Variants in AIFM1 observed in about 807,000 individuals in gnomAD.
The protein encoded by AIFM1 is apoptosis inducing factor mitochondria associated 1.
A neutral mutation model predicts 51.7 loss-of-function variants in AIFM1; 3 were observed. The observed-to-expected ratio is 0.06, with a 90% CI of 0.03 to 0.15. The LOEUF (loss-of-function observed/expected upper bound fraction) is 0.15. Ranked by LOEUF, AIFM1 falls within the 10% of genes least tolerant of loss-of-function variation. AIFM1 has a pLI of 1.00. For synonymous variants in AIFM1, 178 were observed against 179.4 expected, an observed-to-expected ratio of 0.99 and a Z score of 0.06; for missense variants, 330 against 476.8, an observed-to-expected ratio of 0.69 and a Z score of 2.87.
chrX:130,163,321 A>G (rs1450846219), intron 1 of AIFM1, among the ~76,000 whole-genome samples: 1 of 110,462 alleles, frequency 9.1e-6, no homozygotes, highest in Admixed American at 9.7e-5. Context: ...AAAAAAAAAA[A>G]AAAGTTTAAA....
chrX:130,165,363 G>T (rs750954256), intron 1 of AIFM1, among the ~76,000 whole-genome samples, 188 bp downstream of exon 1: 3 of 112,367 alleles, frequency 2.7e-5, no homozygotes, highest in African/African-American at 6.5e-5. Flanking sequence ...TCTCTTGAAG[G>T]TCAGGTCGGC....
At chrX:130,152,937 G>A (rs1056814980) in intron 2 of AIFM1, among the ~76,000 whole-genome samples, 3 of 111,527 alleles carry the variant, frequency 2.7e-5, no homozygotes, top group African/African-American at 9.8e-5. Flanking sequence ...CCTAGTAAGA[G>A]TAGTTTTTGA....
At chrX:130,136,760 A>G in intron 10 of AIFM1, 29 bp from the exon 11 acceptor site, 1 of 1,176,924 alleles carries the variant, frequency 8.5e-7, no homozygotes, top group Non-Finnish European at 1.2e-6. Context: ...CCTGAGAGTG[A>G]GCCTACAAGG....
chrX:130,163,801 A>G (rs906221547), intron 1 of AIFM1, among the ~76,000 whole-genome samples: 6 of 111,729 alleles, frequency 5.4e-5, no homozygotes, highest in Non-Finnish European at 9.4e-5. Flanking sequence ...AATGCTGGTA[A>G]AAGTTGTGAG....
Position 130,139,783 on chromosome X carries a change from G to A in AIFM1, c.858+12C>T, listed in dbSNP as rs2030509697. 8.3e-7 allele frequency: 1 copy of A among 1,204,963 alleles called. No homozygotes were observed. Among genetic ancestry groups the A allele is most frequent in the African/African-American group, 1.8e-5 (1 of 57,043 alleles). On this transcript the variant is annotated intron_variant, in intron 8 of 15. Transcript: ENST00000287295. ...AAAACAACACAAGGAAAACACTAAA[G>A]CAGACAATTACCTTTCTGAAAAGCG... is the stretch of plus-strand genomic sequence containing the variant.
intron 1 of AIFM1, among the ~76,000 whole-genome samples, chrX:130,157,699 G>A (rs936138530): frequency 9.0e-6 from 1 of 111,252 alleles, no homozygotes; most frequent in African/African-American, 3.3e-5. Flanking sequence ...AGGCGTGGTG[G>A]CTCACGCCTG....
Position 130,136,772 on chromosome X carries a change from T to C in AIFM1, c.1076-41A>G, listed in dbSNP as rs1021583215. The C allele has an allele frequency of 5.2e-6, 6 of 1,161,821 alleles. No homozygotes were observed. The African/African-American group carries it at 8.9e-5, about 17-fold the overall frequency. On this transcript the variant is annotated intron_variant, in intron 10 of 15. Transcript: ENST00000287295. ...AGACCTGAGAGTGAGCCTACAAGGC[T>C]ATCACTTTCATGGGAAGTAGGAAAG...
intron 12 of AIFM1, 135 bp downstream of exon 12, chrX:130,135,910 A>T (rs943733932): frequency 4.6e-6 from 4 of 870,145 alleles, no homozygotes; most frequent in Non-Finnish European, 6.7e-6. Flanking sequence ...ACACATTTCT[A>T]TTCTGTACCC....
At chrX:130,153,178 C>CAAAA (rs34591824) in intron 2 of AIFM1, among the ~76,000 whole-genome samples, 2 of 43,913 alleles carry the variant, frequency 4.6e-5, no homozygotes, top group Non-Finnish European at 8.3e-5. Context: ...ACTAAAAATA[C>CAAAA]AAAAAAAAAA....
At chrX:130,151,986 C>T (rs779256946) in intron 2 of AIFM1, among the ~76,000 whole-genome samples, 3 of 110,234 alleles carry the variant, frequency 2.7e-5, no homozygotes, top group Non-Finnish European at 5.7e-5. Flanking sequence ...CTGCAGTGAG[C>T]CGAGATTGCA....
At chrX:130,163,138 G>A (rs1383961034) in intron 1 of AIFM1, among the ~76,000 whole-genome samples, 8 of 109,410 alleles carry the variant, frequency 7.3e-5, no homozygotes, top group African/African-American at 1.7e-4. Flanking sequence ...GTGAAACCCC[G>A]TCTCTACTAA....
intron 8 of AIFM1, among the ~76,000 whole-genome samples, chrX:130,139,467 C>G (rs1160187236): frequency 2.7e-5 from 3 of 112,089 alleles, no homozygotes; most frequent in Non-Finnish European, 5.6e-5. Context: ...AGTCTCTACA[C>G]AGCACTTGCA....
chrX:130,162,756 T>A (rs2031393091), intron 1 of AIFM1, among the ~76,000 whole-genome samples: 1 of 111,449 alleles, frequency 9.0e-6, no homozygotes, highest in Admixed American at 9.5e-5. Flanking sequence ...GAACCTAAAG[T>A]CAGGGAGTCG....
Position 130,165,805 on chromosome X carries a change from C to T in AIFM1, c.-149G>A. 1.3e-5 allele frequency: 7 copies of T among 546,184 alleles called. No homozygotes were observed. The highest frequency in any genetic ancestry group is 6.8e-4 in the Middle Eastern group (2 of 2,945). 45.0% of individuals were successfully genotyped at this position (546,184 alleles called of 1,213,427 possible). A position where few individuals can be genotyped will look rare whatever the true frequency, so the allele number is the denominator to read the frequency against. On this transcript the variant is annotated 5_prime_UTR_variant, in exon 1 of 16. Coordinates refer to ENST00000287295, the MANE Select transcript of AIFM1 (RefSeq NM_004208.4). ...CTCCCAGCTCCGGGTGGGCATTGGA[C>T]AGAGAAGCCGGCCTGCTAGAGCCGG...
At chrX:130,139,741 A>T (rs1204681411) in intron 8 of AIFM1, 54 bp downstream of exon 8, 5 of 1,158,548 alleles carry the variant, frequency 4.3e-6, no homozygotes, top group Admixed American at 4.4e-5. Flanking sequence ...GGACTGCAAG[A>T]TTATACTACT....
chrX:130,129,850 T>C, intron 15 of AIFM1, 120 bp downstream of exon 15: 5 of 934,611 alleles, frequency 5.3e-6, no homozygotes, highest in Non-Finnish European at 7.7e-6. Flanking sequence ...ACCTTTGTTC[T>C]GCTCAGGCAC....
chrX:130,163,377 C>A (rs1290483851), intron 1 of AIFM1, among the ~76,000 whole-genome samples: 1 of 110,658 alleles, frequency 9.0e-6, no homozygotes, highest in East Asian at 2.8e-4. Context: ...CTTGCTCTTT[C>A]CCACCTGTGC....
intron 5 of AIFM1, among the ~76,000 whole-genome samples, chrX:130,146,544 T>A (rs1211500677): frequency 9.2e-6 from 1 of 108,963 alleles, no homozygotes; most frequent in Non-Finnish European, 1.9e-5. Flanking sequence ...AAAGTATACA[T>A]CCTGTTTGAA....
chrX:130,147,646 G>A (rs1198881577), intron 4 of AIFM1, 23 bp from the exon 5 acceptor site: 3 of 1,211,434 alleles, frequency 2.5e-6, no homozygotes, highest in Admixed American at 2.2e-5. Context: ...AAATCATGAC[G>A]CTTATCAGAG....
Sources: gnomAD v4.1 joint callset for allele counts (sites outside exome capture counted in the v4.1 genomes callset) on GRCh38, gnomAD v4.1.1 for gene constraint, MANE v1.5 for transcripts, NCBI Gene and HGNC (gene_info 2026-07-23, HGNC 2026-07-21) for gene names.